Variants in WDFY3 observed in about 807,000 individuals in gnomAD.
WDFY3 encodes the protein WD repeat and FYVE domain containing 3, also known as WD repeat and FYVE domain-containing protein 3.
A neutral mutation model predicts 409.6 loss-of-function variants in WDFY3; 66 were observed. The observed-to-expected ratio is 0.16, with a 90% confidence interval of 0.13 to 0.20. The LOEUF (loss-of-function observed/expected upper bound fraction) is 0.20, where lower values mean the gene tolerates loss of function less well. Ranked by LOEUF, WDFY3 falls within the 10% of genes least tolerant of loss-of-function variation. The probability of loss-of-function intolerance (pLI) is 1.00; values close to 1 mark genes in which losing one functional copy is unlikely to be tolerated. For missense variants in WDFY3, 3,031 were observed against 4,298.1 expected (o/e 0.71, Z 8.24); for synonymous variants, 1,521 against 1,537.1 (o/e 0.99, Z 0.25).
intron 17 of WDFY3, among the ~76,000 whole-genome samples, chr4:84,799,315 C>CT (rs1750070462): frequency 1.3e-5 from 2 of 148,278 alleles, no homozygotes; most frequent in South Asian, 4.4e-4. Flanking sequence ...CGCCACCATG[C>CT]TAGTTAATAC....
At chr4:84,796,789 T>C (rs1458857152) in intron 18 of WDFY3, 37 bp from the exon 19 acceptor site, 1 of 1,527,434 alleles carries the variant, frequency 6.5e-7, no homozygotes, top group Non-Finnish European at 9.0e-7. Context: ...AAATGTCATA[T>C]GGAATTTCAA....
intron 3 of WDFY3, among the ~76,000 whole-genome samples, chr4:84,865,056 T>G (rs964903974): frequency 6.6e-6 from 1 of 152,042 alleles, no homozygotes; most frequent in Admixed American, 6.6e-5. Context: ...GCCTGTCTAA[T>G]TTTTGTATTT....
chr4:84,700,349 G>A (rs1730879128), intron 56 of WDFY3, among the ~76,000 whole-genome samples: 1 of 152,114 alleles, frequency 6.6e-6, no homozygotes. Context: ...GACTACAGGT[G>A]CACATCACCA....
chr4:84,836,582 G>A (rs1756604647), intron 7 of WDFY3, among the ~76,000 whole-genome samples: 1 of 151,788 alleles, frequency 6.6e-6, no homozygotes, highest in Non-Finnish European at 1.5e-5. Context: ...CAACTAGATA[G>A]AATTTTGAGA....
chr4:84,863,484 C>A (rs1330374887), intron 3 of WDFY3, among the ~76,000 whole-genome samples: 5 of 152,144 alleles, frequency 3.3e-5, no homozygotes, highest in Non-Finnish European at 5.9e-5. Flanking sequence ...TAATACTGAG[C>A]ACCTTTTCAT....
chr4:84,846,235 GA>G, intron 5 of WDFY3, among the ~76,000 whole-genome samples: 1 of 151,902 alleles, frequency 6.6e-6, no homozygotes, highest in Non-Finnish European at 1.5e-5. Flanking sequence ...TACACAATAT[GA>G]AAAAAATGTA....
chr4:84,715,097 T>C (rs920571558), intron 50 of WDFY3, among the ~76,000 whole-genome samples: 8 of 152,104 alleles, frequency 5.3e-5, no homozygotes, highest in African/African-American at 1.9e-4. Flanking sequence ...GAAGGAAAAA[T>C]GGTATGTCAC....
At chr4:84,743,992 A>C (rs537973979) in intron 36 of WDFY3, among the ~76,000 whole-genome samples, 193 bp from the exon 37 acceptor site, 1 of 151,080 alleles carries the variant, frequency 6.6e-6, no homozygotes, top group Non-Finnish European at 1.5e-5. Flanking sequence ...GAATTAAAAA[A>C]AATTTAAAGC....
intron 3 of WDFY3, among the ~76,000 whole-genome samples, chr4:84,889,216 T>G (rs1764622129): frequency 6.6e-6 from 1 of 152,202 alleles, no homozygotes; most frequent in African/African-American, 2.4e-5. Flanking sequence ...TTCCCTCCAG[T>G]GAATATTGTG....
chr4:84,922,420 A>T (rs1441305288), intron 2 of WDFY3, among the ~76,000 whole-genome samples: 1 of 152,184 alleles, frequency 6.6e-6, no homozygotes, highest in African/African-American at 2.4e-5. Flanking sequence ...TCATCACATT[A>T]ATTTAGTCTT....
Position 84,756,487 on chromosome 4 carries a change from A to T in WDFY3, c.5424+439T>A, listed in dbSNP as rs183701499. Among the ~76,000 whole-genome samples, 273 of 152,048 alleles carry T rather than the reference A, an allele frequency of 1.8e-3. 1 individual carries two copies. Among genetic ancestry groups the T allele is most frequent in the Middle Eastern group, 3.4e-3 (1 of 294 alleles). On this transcript the variant is annotated intron_variant, in intron 33 of 67. Transcript: ENST00000295888. ...GTAGTTTCAGCTACTCAGGAGACTG[A>T]GGTGGGAGAATCGCTTGAACCCGGG... is the stretch of plus-strand genomic sequence containing the variant.
At chr4:84,720,458 C>A (rs1254194078) in intron 47 of WDFY3, among the ~76,000 whole-genome samples, 1 of 152,128 alleles carries the variant, frequency 6.6e-6, no homozygotes, top group African/African-American at 2.4e-5. Flanking sequence ...TATGTGTCCC[C>A]TCCACATCTC....
intron 1 of WDFY3, among the ~76,000 whole-genome samples, chr4:84,937,809 C>G (rs1771620369): frequency 1.3e-5 from 2 of 152,250 alleles, no homozygotes; most frequent in African/African-American, 4.8e-5. Context: ...CCAGGCACAT[C>G]CTTGCCTTGG....
Position 84,810,190 on chromosome 4 carries a change from A to G in WDFY3, c.2042T>C (p.Val681Ala). ...GAACACAGTGTGAAGAAGTTCAAAC[A>G]CTTGATTCTGGTTCACTTTCTCCCA... ...NGWEKVNQNQ[V>A]FELLHTVFCT... Residue 681 changes from valine (V) to alanine (A), a missense_variant, in exon 14 of 68, where the codon GTG becomes GCG. Physicochemically the swap from Val to Ala is moderately conservative, Grantham distance 64 (BLOSUM62 0). Around this residue, in one of 16 missense-constraint regions of WDFY3, gnomAD observed 1,322 missense variants for 1,697.9 expected, o/e 0.78. Coordinates refer to ENST00000295888, the MANE Select transcript of WDFY3 (RefSeq NM_014991.6). 1 of 1,614,120 alleles carries G rather than the reference A, an allele frequency of 6.2e-7. No homozygotes were observed.
At chr4:84,762,229 A>G (rs966169671) in intron 32 of WDFY3, among the ~76,000 whole-genome samples, 14 of 151,588 alleles carry the variant, frequency 9.2e-5, no homozygotes, top group Non-Finnish European at 1.8e-4. Flanking sequence ...TCCAACAATG[A>G]TAGACTGGAT....
chr4:84,877,351 T>C (rs764727693), intron 3 of WDFY3, among the ~76,000 whole-genome samples: 1 of 152,176 alleles, frequency 6.6e-6, no homozygotes. Context: ...CTTTCCTTTG[T>C]TGTTGTTTTT....
chr4:84,866,064 C>T (rs1761350392), intron 3 of WDFY3, among the ~76,000 whole-genome samples: 2 of 152,118 alleles, frequency 1.3e-5, no homozygotes, highest in Admixed American at 1.3e-4. Context: ...GAGTGAGACC[C>T]TGTCTCAAAA....
At chr4:84,793,633 C>T (rs1361025315) in intron 21 of WDFY3, among the ~76,000 whole-genome samples, 1 of 152,110 alleles carries the variant, frequency 6.6e-6, no homozygotes, top group African/African-American at 2.4e-5. Flanking sequence ...TTCTCAAATG[C>T]AAGACTGGAG....
intron 7 of WDFY3, among the ~76,000 whole-genome samples, chr4:84,835,942 A>T (rs181497551): frequency 6.6e-6 from 1 of 152,304 alleles, no homozygotes; most frequent in Admixed American, 6.5e-5. Context: ...TTTTCATTTT[A>T]CAGGTGCGAA....
Sources: gnomAD v4.1 joint callset for allele counts (sites outside exome capture counted in the v4.1 genomes callset) on GRCh38, gnomAD v4.1.1 for gene constraint, gnomAD v4.1.1 regional missense constraint, MANE v1.5 for transcripts, NCBI Gene and HGNC (gene_info 2026-07-23, HGNC 2026-07-21) for gene names.